Variants in SYCE2 observed in about 807,000 individuals in gnomAD.
SYCE2 encodes synaptonemal complex central element protein 2.
A neutral mutation model predicts 27.9 loss-of-function variants in SYCE2; 3 were observed. That is an observed-to-expected ratio of 0.11 (90% CI 0.05 to 0.28). SYCE2 has a LOEUF of 0.28. SYCE2 is among the 10% of genes least tolerant of loss of function. SYCE2 has a pLI of 1.00. For synonymous variants in SYCE2, 85 were observed against 100.7 expected (o/e 0.84, Z 0.93); for missense variants, 207 against 263.5 (o/e 0.79, Z 1.48).
Position 12,905,116 on chromosome 19 carries a change from C to T in SYCE2, c.132-450G>A, listed in dbSNP as rs185893222. On this transcript the variant is annotated intron_variant, in intron 2 of 5. Coordinates refer to ENST00000293695, the MANE Select transcript of SYCE2 (RefSeq NM_001105578.2). The stretch of plus-strand genomic sequence containing the variant: ...GCGTTGTTGCCTTCCATGGGTGACA[C>T]GAGGCATGCTTCCTAGGTTATTCCA... Among the ~76,000 whole-genome samples the T allele has an allele frequency of 1.9e-3, 283 of 152,076 alleles. 1 individual carries two copies. Among genetic ancestry groups the T allele is most frequent in the Non-Finnish European group, 3.3e-3 (223 of 67,982 alleles).
chr19:12,899,224 T>G lies in SYCE2; in HGVS notation c.*117A>C. On this transcript the variant is annotated 3_prime_UTR_variant, in exon 6 of 6. Transcript: ENST00000293695. ...CACAAGGAGCTTTGGGTTTTTGTTT[T>G]TTTCTGCCAAGATGCATTATAGAAC... The G allele has an allele frequency of 1.0e-6, 1 of 983,678 alleles. No homozygotes were observed. The highest frequency in any genetic ancestry group is 1.6e-6 in the Non-Finnish European group (1 of 637,604). 60.9% of individuals were successfully genotyped at this position (983,678 alleles called of 1,614,324 possible).
At chr19:12,917,259 T>C (rs1971153685) in intron 2 of SYCE2, among the ~76,000 whole-genome samples, 1 of 150,934 alleles carries the variant, frequency 6.6e-6, no homozygotes, top group Non-Finnish European at 1.5e-5. Flanking sequence ...TTTCACCATA[T>C]TGGCCAGGCT....
In SYCE2 at chr19:12,918,356, C is replaced by A; in HGVS notation, c.16-19G>T. On this transcript the variant is annotated intron_variant, in intron 1 of 5. Coordinates refer to ENST00000293695, the MANE Select transcript of SYCE2 (RefSeq NM_001105578.2). Reference sequence around the variant, plus strand: ...CGTCCACCTGCAAGCACAGTCAGGACGGAGGCCAAGGAGGGAGGATGAGGA... The same window carrying A: ...CGTCCACCTGCAAGCACAGTCAGGAAGGAGGCCAAGGAGGGAGGATGAGGA... 6.2e-7 allele frequency: 1 copy of A among 1,611,032 alleles called. No homozygotes were observed. Among genetic ancestry groups the A allele is most frequent in the Non-Finnish European group, 8.5e-7 (1 of 1,177,196 alleles).
At chr19:12,904,987 G>A (rs1049695828) in intron 2 of SYCE2, among the ~76,000 whole-genome samples, 3 of 150,732 alleles carry the variant, frequency 2.0e-5, no homozygotes, top group African/African-American at 7.4e-5. Flanking sequence ...CTGGGTGACA[G>A]AGCGAGACTC....
At chr19:12,911,681 G>A (rs936467655) in intron 2 of SYCE2, among the ~76,000 whole-genome samples, 7 of 137,948 alleles carry the variant, frequency 5.1e-5, no homozygotes, top group African/African-American at 1.9e-4. Flanking sequence ...GCAGTGCCAC[G>A]ATCTCGGCTC....
chr19:12,907,986 C>T (rs190706320), intron 2 of SYCE2, among the ~76,000 whole-genome samples: 5 of 152,084 alleles, frequency 3.3e-5, no homozygotes, highest in Non-Finnish European at 5.9e-5. Flanking sequence ...GTGGTGTGTA[C>T]TTGTAGTCCC....
chr19:12,906,526 G>A (rs1404139590), intron 2 of SYCE2, among the ~76,000 whole-genome samples: 1 of 152,166 alleles, frequency 6.6e-6, no homozygotes, highest in Admixed American at 6.6e-5. Context: ...GGGTATGGGA[G>A]AGAGAACTAA....
At chr19:12,910,764 G>A (rs1971030583) in intron 2 of SYCE2, among the ~76,000 whole-genome samples, 2 of 151,134 alleles carry the variant, frequency 1.3e-5, no homozygotes, top group Admixed American at 6.6e-5. Flanking sequence ...TGCAAGCTCT[G>A]CCTCCCGGGT....
intron 5 of SYCE2, chr19:12,899,781 A>C (rs1386481937): frequency 6.3e-7 from 1 of 1,599,060 alleles, no homozygotes; most frequent in East Asian, 2.2e-5. Context: ...ATGAGAGCAG[A>C]CTCCATTTAC....
At chr19:12,911,516 T>C (rs1971044233) in intron 2 of SYCE2, among the ~76,000 whole-genome samples, 1 of 151,812 alleles carries the variant, frequency 6.6e-6, no homozygotes, top group South Asian at 2.1e-4. Context: ...CTTGGCTCAC[T>C]GCAGCCTCCA....
At chr19:12,914,391 A>G (rs1971099554) in intron 2 of SYCE2, among the ~76,000 whole-genome samples, 1 of 152,144 alleles carries the variant, frequency 6.6e-6, no homozygotes, top group Admixed American at 6.6e-5. Context: ...AGAGATGTGT[A>G]GAATTGGCTC....
chr19:12,906,710 C>T (rs1970940127), intron 2 of SYCE2, among the ~76,000 whole-genome samples: 1 of 151,968 alleles, frequency 6.6e-6, no homozygotes, highest in Non-Finnish European at 1.5e-5. Context: ...AGTTCGAGAC[C>T]AGCCTGGCCA....
At chr19:12,899,696 G>A in intron 5 of SYCE2, 5 of 1,612,476 alleles carry the variant, frequency 3.1e-6, no homozygotes, top group Non-Finnish European at 3.4e-6. Context: ...TTTCCCTTCT[G>A]AAGTCGTTCA....
At chr19:12,917,553 G>A (rs1368179670) in intron 2 of SYCE2, among the ~76,000 whole-genome samples, 1 of 150,574 alleles carries the variant, frequency 6.6e-6, no homozygotes, top group Admixed American at 6.7e-5. Context: ...AGTAGAGACG[G>A]GGTTTCATCA....
intron 4 of SYCE2, 160 bp from the exon 5 acceptor site, chr19:12,900,280 C>T: frequency 1.9e-6 from 2 of 1,074,952 alleles, no homozygotes; most frequent in Non-Finnish European, 2.6e-6. Flanking sequence ...GGCTTCTCAG[C>T]TCAGACACAC....
At chr19:12,909,347 T>C (rs996072044) in intron 2 of SYCE2, among the ~76,000 whole-genome samples, 23 of 152,150 alleles carry the variant, frequency 1.5e-4, no homozygotes, top group African/African-American at 5.3e-4. Flanking sequence ...CACATGGCTG[T>C]CTCAAAGGCA....
At chr19:12,918,136 A>C (rs1209966953) in intron 2 of SYCE2, 86 bp downstream of exon 2, 1 of 1,149,988 alleles carries the variant, frequency 8.7e-7, no homozygotes, top group Non-Finnish European at 1.3e-6. Context: ...AAAGCAGCAG[A>C]CACTGGCATA....
chr19:12,909,533 C>T (rs1971005721), intron 2 of SYCE2, among the ~76,000 whole-genome samples: 1 of 152,106 alleles, frequency 6.6e-6, no homozygotes, highest in African/African-American at 2.4e-5. Context: ...AAAATCCCCT[C>T]ATTTCTACCT....
At chr19:12,909,908 C>G (rs181485008) in intron 2 of SYCE2, among the ~76,000 whole-genome samples, 5 of 151,636 alleles carry the variant, frequency 3.3e-5, no homozygotes, top group African/African-American at 9.7e-5. Flanking sequence ...GCTTTGTTGC[C>G]CAAGCTAGAG....
Sources: gnomAD v4.1 joint callset for allele counts (sites outside exome capture counted in the v4.1 genomes callset) on GRCh38, gnomAD v4.1.1 for gene constraint, MANE v1.5 for transcripts, NCBI Gene and HGNC (gene_info 2026-07-23, HGNC 2026-07-21) for gene names.